RP1L1: variants seen among roughly 807,000 people sequenced by gnomAD.
The protein encoded by RP1L1 is retinitis pigmentosa 1-like 1 protein.
A neutral mutation model predicts 15.7 loss-of-function variants in RP1L1; 27 were observed. The observed-to-expected ratio is 1.72, with a 90% CI of 1.27 to 2.38. RP1L1 has a LOEUF of 2.38. Among genes scored for constraint, RP1L1 ranks in the 30% most tolerant of loss-of-function variants. The probability of loss-of-function intolerance (pLI) is 0.00; values close to 1 mark genes in which losing one functional copy is unlikely to be tolerated. For synonymous variants in RP1L1, 1,813 were observed against 1,276.7 expected (o/e 1.42, Z -8.96); for missense variants, 4,798 against 3,075.9 (o/e 1.56, Z -13.24).
At chr8:10,619,892 C>G (rs1000170827) in intron 2 of RP1L1, among the ~76,000 whole-genome samples, 14 of 145,476 alleles carry the variant, frequency 9.6e-5, no homozygotes, top group African/African-American at 3.3e-4. Flanking sequence ...ACCTAGGGGG[C>G]AGAGGTTGCA....
At position 10,622,905 on chromosome 8, in the gene RP1L1, T is replaced by C; in HGVS notation, c.297A>G (p.Gly99=). The C allele has an allele frequency of 1.2e-6, 2 of 1,613,902 alleles. No individual in the cohort carries two copies. The highest frequency in any genetic ancestry group is 1.7e-6 in the Non-Finnish European group (2 of 1,179,926). Reference sequence around the variant, plus strand: ...TCTTATCAGAGCAGAGGTAGCAGCCTCCATCTTCCAGCTGCTCCAGGGCGC... The same window carrying C: ...TCTTATCAGAGCAGAGGTAGCAGCCCCCATCTTCCAGCTGCTCCAGGGCGC... ...SLSALEQLED[G]GCYLCSDKKP... is the part of the protein sequence containing the mutation. Residue 99 remains glycine, a synonymous_variant, in exon 2 of 4, where the codon GGA becomes GGG. Transcript: ENST00000382483.
intron 1 of RP1L1, among the ~76,000 whole-genome samples, chr8:10,628,834 C>G (rs1008061656): frequency 1.3e-5 from 2 of 152,212 alleles, no homozygotes; most frequent in Non-Finnish European, 2.9e-5. Flanking sequence ...AAAACAAGCA[C>G]TAGAGTATCT....
chr8:10,652,682 C>G (rs887289526), intron 1 of RP1L1, among the ~76,000 whole-genome samples: 1 of 151,344 alleles, frequency 6.6e-6, no homozygotes, highest in Non-Finnish European at 1.5e-5. Flanking sequence ...AAAAAAAAAA[C>G]CTTTCAAAGT....
intron 1 of RP1L1, among the ~76,000 whole-genome samples, chr8:10,628,359 G>A (rs1798189822): frequency 6.6e-6 from 1 of 152,098 alleles, no homozygotes; most frequent in African/African-American, 2.4e-5. Flanking sequence ...CAAAATGATA[G>A]TGAAAACCAT....
intron 1 of RP1L1, among the ~76,000 whole-genome samples, chr8:10,644,557 C>T (rs1798449536): frequency 6.6e-6 from 1 of 152,190 alleles, no homozygotes; most frequent in African/African-American, 2.4e-5. Context: ...ACCCAGGAAC[C>T]AGTCCTTCCC....
intron 1 of RP1L1, among the ~76,000 whole-genome samples, chr8:10,646,635 C>T (rs945040286): frequency 2.6e-5 from 4 of 152,140 alleles, no homozygotes; most frequent in East Asian, 3.9e-4. Context: ...CGGAGGGGAC[C>T]GAGCCAGCCC....
In RP1L1 at chr8:10,611,968, G is replaced by A. The variant is rs956104177; in HGVS notation, c.2130C>T (p.Ser710=). ...SVPRYSGSSS[S]TRTQASGNLR... is the part of the protein sequence containing the mutation. ...GGTTCCCAGAGGCCTGTGTCCTGGT[G>A]CTCGATGAGCTTCCAGAATATCGTG... is the stretch of plus-strand genomic sequence containing the variant. The change falls in exon 4 of 4, where the codon AGC becomes AGT. Residue 710 remains serine, a synonymous_variant. Coordinates refer to ENST00000382483, the MANE Select transcript of RP1L1 (RefSeq NM_178857.6). 1.9e-6 allele frequency: 3 copies of A among 1,613,858 alleles called. No individual in the cohort carries two copies. The highest frequency in any genetic ancestry group is 2.5e-6 in the Non-Finnish European group (3 of 1,180,014).
At position 10,607,446 on chromosome 8, in the gene RP1L1, C is replaced by T; in HGVS notation, c.6652G>A (p.Glu2218Lys). Residue 2218 changes from glutamate to lysine, a missense_variant, in exon 4 of 4, where the codon GAA (glutamate) becomes AAA (lysine). Physicochemically the swap from Glu to Lys is moderately conservative, Grantham distance 56 (BLOSUM62 1). Transcript: ENST00000382483. ...ELEGVEAPEA[E>K]EEAQPEPEGV... is the part of the protein sequence containing the mutation. Reference sequence around the variant, plus strand: ...TCTGGCTCTGGCTGGGCCTCCTCTTCAGCCTCCGGGGCCTCTACACCTTCT... The same window carrying T: ...TCTGGCTCTGGCTGGGCCTCCTCTTTAGCCTCCGGGGCCTCTACACCTTCT... 6.2e-7 allele frequency: 1 copy of T among 1,613,852 alleles called. No individual in the cohort carries two copies. The highest frequency in any genetic ancestry group is 8.5e-7 in the Non-Finnish European group (1 of 1,179,942).
chr8:10,631,405 ACG>A (rs765820848), intron 1 of RP1L1, among the ~76,000 whole-genome samples: 3 of 133,630 alleles, frequency 2.2e-5, no homozygotes, highest in South Asian at 5.0e-4. Context: ...ACGCACACAC[ACG>A]CACACACGCA....
At chr8:10,647,536 C>T (rs1269920629) in intron 1 of RP1L1, among the ~76,000 whole-genome samples, 4 of 152,156 alleles carry the variant, frequency 2.6e-5, no homozygotes, top group South Asian at 2.1e-4. Flanking sequence ...TTTTGCTTTC[C>T]GTCTCTATAA....
chr8:10,647,185 C>A (rs902814608), intron 1 of RP1L1, among the ~76,000 whole-genome samples: 1 of 152,240 alleles, frequency 6.6e-6, no homozygotes, highest in Non-Finnish European at 1.5e-5. Context: ...TGCTCCAGGG[C>A]CTCCCTATAA....
intron 1 of RP1L1, among the ~76,000 whole-genome samples, chr8:10,638,272 C>A (rs1462294733): frequency 5.3e-5 from 8 of 152,114 alleles, no homozygotes; most frequent in African/African-American, 1.9e-4. Flanking sequence ...GTGATTCCCA[C>A]CGAGGTCTGG....
At chr8:10,625,737 G>A (rs895111524) in intron 1 of RP1L1, among the ~76,000 whole-genome samples, 2 of 152,152 alleles carry the variant, frequency 1.3e-5, no homozygotes, top group Admixed American at 6.5e-5. Context: ...ACAGGACCAC[G>A]CAGGAGCAGA....
Position 10,609,315 on chromosome 8 carries a change from GGGCCTCCCTT to G in RP1L1, c.4773_4782del (p.Arg1592SerfsTer69). ...GTCTGCAGGAGCAGCTCCCCGGTGAGGGCCTCCCTTGGAGGCTCCAGCACCATCCTACCCG... is the reference window on the plus strand; with the variant it reads ...GTCTGCAGGAGCAGCTCCCCGGTGAGGGAGGCTCCAGCACCATCCTACCCG... On this transcript the variant is annotated frameshift_variant, in exon 4 of 4. Transcript: ENST00000382483. LOFTEE classifies it low-confidence loss of function (END_TRUNC). 1 of 1,611,728 alleles carries G rather than the reference GGGCCTCCCTT, an allele frequency of 6.2e-7. No individual in the cohort carries two copies. Among genetic ancestry groups the G allele is most frequent in the Non-Finnish European group, 8.5e-7 (1 of 1,179,778 alleles).
intron 1 of RP1L1, among the ~76,000 whole-genome samples, chr8:10,644,622 T>C (rs1187232687): frequency 6.6e-6 from 1 of 152,182 alleles, no homozygotes; most frequent in Non-Finnish European, 1.5e-5. Flanking sequence ...CTTTAGTCCT[T>C]TTCCATCAAC....
At chr8:10,643,885 C>G (rs551586266) in intron 1 of RP1L1, among the ~76,000 whole-genome samples, 37 of 151,938 alleles carry the variant, frequency 2.4e-4, no homozygotes, top group Middle Eastern at 6.8e-3. Flanking sequence ...CAGAGTGTTA[C>G]CAGAAACTGA....
chr8:10,617,125 A>G (rs1432783412), intron 2 of RP1L1, among the ~76,000 whole-genome samples: 1 of 151,664 alleles, frequency 6.6e-6, no homozygotes, highest in Non-Finnish European at 1.5e-5. Context: ...TCCCTTCCAG[A>G]CTCCTAAAAT....
rs777721000 is a variant in RP1L1, at chr8:10,610,452, G to T, written c.3646C>A (p.Pro1216Thr). ...ACCAGGGTGCCGTCCATGGCACAGGGTACGCTACTCTCCCCTGAGCCTCCA... is the reference window on the plus strand; with the variant it reads ...ACCAGGGTGCCGTCCATGGCACAGGTTACGCTACTCTCCCCTGAGCCTCCA... ...GSGGSGESSV[P>T]CAMDGTLVTQ... The change falls in exon 4 of 4, where the codon CCC becomes ACC. Residue 1216 changes from proline to threonine, a missense_variant. Transcript: ENST00000382483. 6.2e-7 allele frequency: 1 copy of T among 1,613,798 alleles called. No individual in the cohort carries two copies. Among genetic ancestry groups the T allele is most frequent in the Non-Finnish European group, 8.5e-7 (1 of 1,180,010 alleles).
intron 1 of RP1L1, among the ~76,000 whole-genome samples, chr8:10,634,865 C>G (rs974619023): frequency 1.3e-5 from 2 of 152,186 alleles, no homozygotes; most frequent in East Asian, 1.9e-4. Flanking sequence ...GGGACTCCCT[C>G]TCCTCAAGGG....
Sources: gnomAD v4.1 joint callset for allele counts (sites outside exome capture counted in the v4.1 genomes callset) on GRCh38, gnomAD v4.1.1 for gene constraint, MANE v1.5 for transcripts, NCBI Gene and HGNC (gene_info 2026-07-23, HGNC 2026-07-21) for gene names.